Variants in CRISP1 observed in about 807,000 individuals in gnomAD.
CRISP1 encodes cysteine rich secretory protein 1, also known as cysteine-rich secretory protein 1.
In CRISP1, 44 loss-of-function variants were observed where a neutral mutation model predicts 33.1. The ratio of observed to expected loss-of-function variants is 1.33; its 90% CI spans 1.05 to 1.71. CRISP1 has a LOEUF of 1.71. Among genes scored for constraint, CRISP1 ranks in the 40% most tolerant of loss-of-function variants. The pLI, the probability that CRISP1 is intolerant of heterozygous loss-of-function variation, is 0.00. For synonymous variants in CRISP1, 103 were observed against 98.7 expected (o/e 1.04, Z -0.26); for missense variants, 390 against 301.2 (o/e 1.29, Z -2.18).
intron 1 of CRISP1, among the ~76,000 whole-genome samples, chr6:49,874,053 T>C (rs1315988774): frequency 6.6e-6 from 1 of 152,046 alleles, no homozygotes; most frequent in African/African-American, 2.4e-5. Flanking sequence ...GTATTCTTCC[T>C]GAATTAATAT....
At chr6:49,861,569 C>T (rs1771653747) in intron 1 of CRISP1, among the ~76,000 whole-genome samples, 2 of 152,066 alleles carry the variant, frequency 1.3e-5, no homozygotes, top group South Asian at 4.1e-4. Flanking sequence ...ACAAAAAACT[C>T]TCAACAAACT....
At chr6:49,864,625 T>A (rs1174302239) in intron 1 of CRISP1, among the ~76,000 whole-genome samples, 5 of 152,122 alleles carry the variant, frequency 3.3e-5, no homozygotes, top group Admixed American at 6.6e-5. Context: ...TACTATTTCA[T>A]TGCAGTTTTT....
chr6:49,843,098 A>C (rs1274470730), intron 5 of CRISP1, among the ~76,000 whole-genome samples: 1 of 152,210 alleles, frequency 6.6e-6, no homozygotes, highest in Non-Finnish European at 1.5e-5. Context: ...CTTTTGTGAT[A>C]AAATTAGTGT....
intron 5 of CRISP1, among the ~76,000 whole-genome samples, chr6:49,846,053 G>C (rs1422135407): frequency 6.6e-6 from 1 of 152,094 alleles, no homozygotes; most frequent in Non-Finnish European, 1.5e-5. Flanking sequence ...AAATATTCTG[G>C]CGATGGCGTT....
chr6:49,862,398 A>G (rs1284889075), intron 1 of CRISP1, among the ~76,000 whole-genome samples: 1 of 151,564 alleles, frequency 6.6e-6, no homozygotes, highest in Non-Finnish European at 1.5e-5. Flanking sequence ...AATATTACTG[A>G]TATTAGAAAA....
chr6:49,837,505 G>T (rs1770839482), intron 7 of CRISP1, among the ~76,000 whole-genome samples: 1 of 150,914 alleles, frequency 6.6e-6, no homozygotes. Flanking sequence ...CCAGAAACGG[G>T]GTATAAAAAG....
intron 3 of CRISP1, among the ~76,000 whole-genome samples, chr6:49,851,337 G>T (rs1396036344): frequency 1.3e-5 from 2 of 152,132 alleles, no homozygotes; most frequent in African/African-American, 4.8e-5. Context: ...GAGTGATACT[G>T]CTGGATAACA....
At chr6:49,848,024 T>C (rs1480731598) in intron 4 of CRISP1, among the ~76,000 whole-genome samples, 185 bp downstream of exon 4, 1 of 152,130 alleles carries the variant, frequency 6.6e-6, no homozygotes, top group Non-Finnish European at 1.5e-5. Flanking sequence ...AACTTAAAGA[T>C]ATAAACCTTA....
intron 2 of CRISP1, among the ~76,000 whole-genome samples, chr6:49,857,000 A>T (rs1771513602): frequency 6.6e-6 from 1 of 152,146 alleles, no homozygotes; most frequent in African/African-American, 2.4e-5. Flanking sequence ...TTATATAGCT[A>T]ATCTGCATTC....
At chr6:49,848,541 T>C (rs906829408) in intron 3 of CRISP1, among the ~76,000 whole-genome samples, 1 of 152,164 alleles carries the variant, frequency 6.6e-6, no homozygotes, top group Non-Finnish European at 1.5e-5. Context: ...AGATTCTCTC[T>C]CAGATGTAGT....
chr6:49,852,273 T>C, intron 2 of CRISP1, 144 bp from the exon 3 acceptor site: 1 of 714,938 alleles, frequency 1.4e-6, no homozygotes, highest in Non-Finnish European at 2.2e-6. Context: ...TGTCTCATTA[T>C]ATTGGATTCC....
chr6:49,868,017 A>C (rs529891346), upstream of CRISP1, among the ~76,000 whole-genome samples: 4 of 152,284 alleles, frequency 2.6e-5, no homozygotes, highest in Admixed American at 6.5e-5. Flanking sequence ...TTGATTCAAC[A>C]TCAAGTCAAG....
intron 3 of CRISP1, among the ~76,000 whole-genome samples, chr6:49,849,898 G>C (rs1200675491): frequency 6.6e-6 from 1 of 151,958 alleles, no homozygotes; most frequent in Non-Finnish European, 1.5e-5. Context: ...AAATATTTTA[G>C]TCATGGCTAT....
chr6:49,835,930 C>T (rs1437419313), intron 7 of CRISP1, among the ~76,000 whole-genome samples: 1 of 152,168 alleles, frequency 6.6e-6, no homozygotes. Flanking sequence ...TCTCAACTAA[C>T]ATTCTAGTGA....
At chr6:49,841,132 A>G in intron 5 of CRISP1, 137 bp from the exon 6 acceptor site, 1 of 707,542 alleles carries the variant, frequency 1.4e-6, no homozygotes. Flanking sequence ...AAGAAGTCAT[A>G]GAAACAAAAG....
intron 3 of CRISP1, among the ~76,000 whole-genome samples, chr6:49,849,781 C>T (rs1771293299): frequency 6.6e-6 from 1 of 151,904 alleles, no homozygotes; most frequent in Non-Finnish European, 1.5e-5. Flanking sequence ...TAGAATTACC[C>T]TTGGGGTTGA....
In CRISP1 at chr6:49,834,529, A is replaced by G. The variant is rs1770716973; in HGVS notation, c.*787T>C. 6.6e-6 allele frequency: 1 copy of G among 152,144 alleles called. No individual in the cohort carries two copies. The highest frequency in any genetic ancestry group is 6.6e-5 in the Admixed American group (1 of 15,266). 9.4% of individuals were successfully genotyped at this position (152,144 alleles called of 1,614,324 possible). ...TCATTCCACCCTAAGGCTTTCCTGA[A>G]TCTCCAAACAGAAGCTATTTATGCT... is the stretch of plus-strand genomic sequence containing the variant. On this transcript the variant is annotated 3_prime_UTR_variant, in exon 8 of 8. Coordinates refer to ENST00000335847, the MANE Select transcript of CRISP1 (RefSeq NM_001131.3).
chr6:49,835,530 G>A, intron 7 of CRISP1, 87 bp from the exon 8 acceptor site: 1 of 1,344,382 alleles, frequency 7.4e-7, no homozygotes, highest in Non-Finnish European at 1.0e-6. Flanking sequence ...AAGACAAAAA[G>A]AGAAATTTTT....
chr6:49,847,848 A>T (rs1359934233), intron 4 of CRISP1, among the ~76,000 whole-genome samples: 1 of 152,096 alleles, frequency 6.6e-6, no homozygotes, highest in Non-Finnish European at 1.5e-5. Flanking sequence ...TCCAAAGCTA[A>T]GCAGATCCCC....
Sources: allele counts gnomAD v4.1 joint callset (sites outside exome capture counted in the v4.1 genomes callset), GRCh38; gene constraint gnomAD v4.1.1; transcripts MANE v1.5; gene names NCBI Gene and HGNC (gene_info 2026-07-23, HGNC 2026-07-21).